LSAMP: variants seen among roughly 807,000 people sequenced by gnomAD.
LSAMP encodes the protein limbic system associated membrane protein.
LSAMP carries 7 observed loss-of-function variants against 38.6 expected under a neutral mutation model. The ratio of observed to expected loss-of-function variants is 0.18; its 90% confidence interval spans 0.10 to 0.34. LSAMP has a LOEUF of 0.34. LSAMP is among the 10% of genes least tolerant of loss of function. The pLI, the probability that LSAMP is intolerant of heterozygous loss-of-function variation, is 1.00. For synonymous variants in LSAMP, 154 were observed against 166.8 expected, an observed-to-expected ratio of 0.92 and a Z score of 0.59; for missense variants, 313 against 420.0, an observed-to-expected ratio of 0.75 and a Z score of 2.23.
intron 1 of LSAMP, among the ~76,000 whole-genome samples, chr3:116,110,244 G>C (rs1708572109): frequency 6.6e-6 from 1 of 152,006 alleles, no homozygotes; most frequent in Admixed American, 6.5e-5. Flanking sequence ...AGGAGAGAAG[G>C]GGTTGGGGTA....
intron 1 of LSAMP, among the ~76,000 whole-genome samples, chr3:116,327,370 T>C (rs2047787737): frequency 6.6e-6 from 1 of 152,182 alleles, no homozygotes; most frequent in South Asian, 2.1e-4. Flanking sequence ...TGCTATACCT[T>C]AGTTCATCTT....
chr3:115,846,722 A>G (rs183366574), intron 4 of LSAMP, among the ~76,000 whole-genome samples: 2 of 152,316 alleles, frequency 1.3e-5, no homozygotes, highest in Admixed American at 6.5e-5. Flanking sequence ...GTCTATTTGA[A>G]TGAATTCTTT....
chr3:115,815,951 G>A (rs573679647), intron 6 of LSAMP, among the ~76,000 whole-genome samples: 92 of 152,190 alleles, frequency 6.0e-4, no homozygotes, highest in African/African-American at 2.1e-3. Flanking sequence ...ATCACTGGTG[G>A]GATGTAAGTT....
chr3:116,109,260 CG>C (rs1315132786), intron 1 of LSAMP, among the ~76,000 whole-genome samples: 2 of 152,014 alleles, frequency 1.3e-5, no homozygotes, highest in African/African-American at 4.8e-5. Flanking sequence ...AGTCACCGAA[CG>C]AAACTGTAAG....
At chr3:115,916,004 C>A (rs1028596419) in intron 3 of LSAMP, among the ~76,000 whole-genome samples, 1 of 152,090 alleles carries the variant, frequency 6.6e-6, no homozygotes, top group African/African-American at 2.4e-5. Flanking sequence ...CAAAGGCCAT[C>A]CTGTTTTCAG....
At chr3:116,100,679 A>G (rs1170153028) in intron 1 of LSAMP, among the ~76,000 whole-genome samples, 1 of 152,158 alleles carries the variant, frequency 6.6e-6, no homozygotes, top group Admixed American at 6.5e-5. Context: ...GTACATACAT[A>G]AAGTTGATCA....
chr3:116,008,050 T>C (rs774831371), intron 3 of LSAMP, among the ~76,000 whole-genome samples: 27 of 152,198 alleles, frequency 1.8e-4, no homozygotes, highest in Admixed American at 5.2e-4. Flanking sequence ...TGCTTTCCAG[T>C]CTTGAAGTTA....
At chr3:116,303,893 C>A (rs750464326) in intron 1 of LSAMP, among the ~76,000 whole-genome samples, 2 of 152,048 alleles carry the variant, frequency 1.3e-5, no homozygotes, top group Non-Finnish European at 2.9e-5. Flanking sequence ...GTTAAAGCAG[C>A]CAAAAGAACT....
chr3:116,101,590 A>G (rs1056894823), intron 1 of LSAMP, among the ~76,000 whole-genome samples: 12 of 152,178 alleles, frequency 7.9e-5, no homozygotes, highest in Non-Finnish European at 2.9e-5. Context: ...ATTTGAAATT[A>G]TATATTATTG....
intron 1 of LSAMP, among the ~76,000 whole-genome samples, chr3:116,091,425 T>A (rs1482948196): frequency 6.7e-6 from 1 of 148,842 alleles, no homozygotes; most frequent in East Asian, 1.9e-4. Flanking sequence ...GAGACTAAAG[T>A]AAAGACAGGC....
chr3:116,246,249 A>G (rs2046604081), intron 1 of LSAMP, among the ~76,000 whole-genome samples: 2 of 152,144 alleles, frequency 1.3e-5, no homozygotes, highest in Admixed American at 6.5e-5. Context: ...TTTTCTTTCT[A>G]TGTTTTCAAA....
At chr3:116,223,632 A>C (rs1011334445) in intron 1 of LSAMP, among the ~76,000 whole-genome samples, 1 of 152,176 alleles carries the variant, frequency 6.6e-6, no homozygotes, top group Non-Finnish European at 1.5e-5. Context: ...TAAAAATGTG[A>C]AACTTACAGT....
chr3:116,097,095 C>T (rs1227648900), intron 1 of LSAMP, among the ~76,000 whole-genome samples: 10 of 152,152 alleles, frequency 6.6e-5, no homozygotes, highest in Admixed American at 3.3e-4. Flanking sequence ...GGAATTCTGG[C>T]TCAGATTTGT....
intron 1 of LSAMP, among the ~76,000 whole-genome samples, chr3:116,159,318 A>T (rs1709827927): frequency 6.6e-6 from 1 of 152,198 alleles, no homozygotes; most frequent in Non-Finnish European, 1.5e-5. Flanking sequence ...GTAAACAGAC[A>T]ACCTATAGAA....
rs375806100 is a variant in LSAMP, at chr3:115,842,616, C to G, written c.650-38G>C. Reference sequence around the variant, plus strand: ...CAGGCACACAAGTTTACATGAGGGTCGGGGTGCTTAGAATTTCTATTCAGG... The same window carrying G: ...CAGGCACACAAGTTTACATGAGGGTGGGGGTGCTTAGAATTTCTATTCAGG... On this transcript the variant is annotated intron_variant, in intron 4 of 6. Coordinates refer to ENST00000490035, the MANE Select transcript of LSAMP (RefSeq NM_002338.5). 4.4e-6 allele frequency: 7 copies of G among 1,607,670 alleles called. No homozygotes were observed. In the South Asian group the frequency reaches 7.7e-5, roughly 18 times the overall value.
chr3:116,066,341 G>A (rs1225574330), intron 2 of LSAMP, among the ~76,000 whole-genome samples: 1 of 152,198 alleles, frequency 6.6e-6, no homozygotes, highest in African/African-American at 2.4e-5. Context: ...TAAACATTCA[G>A]TCTATGACAA....
intron 3 of LSAMP, among the ~76,000 whole-genome samples, chr3:116,002,739 A>C (rs1388532284): frequency 6.6e-6 from 1 of 152,086 alleles, no homozygotes; most frequent in Non-Finnish European, 1.5e-5. Flanking sequence ...CTCTCTGCTA[A>C]CCTTTTGCCC....
At chr3:115,881,777 A>C (rs1173437694) in intron 3 of LSAMP, among the ~76,000 whole-genome samples, 1 of 152,156 alleles carries the variant, frequency 6.6e-6, no homozygotes, top group Non-Finnish European at 1.5e-5. Context: ...AGATTGGGTC[A>C]TACCCATCCC....
In LSAMP at chr3:116,218,054, A is replaced by C. The variant is rs142574675; in HGVS notation, c.156-131498T>G. Among the ~76,000 whole-genome samples the C allele has an allele frequency of 9.2e-4, 140 of 152,292 alleles. 2 individuals are homozygous for C. The highest frequency in any genetic ancestry group is 3.2e-3 in the African/African-American group (132 of 41,558). On this transcript the variant is annotated intron_variant, in intron 1 of 6. Coordinates refer to ENST00000490035, the MANE Select transcript of LSAMP (RefSeq NM_002338.5). ...CTGAGCAGTCTGTTGATACCGAAAA[A>C]AATGGGCGCTGTGGATCCGTGGTCT...
Sources: allele counts gnomAD v4.1 joint callset (sites outside exome capture counted in the v4.1 genomes callset), GRCh38; gene constraint gnomAD v4.1.1; transcripts MANE v1.5; gene names NCBI Gene and HGNC (gene_info 2026-07-23, HGNC 2026-07-21).